The following CCDC125 variants were observed in gnomAD, a reference collection of about 807,000 sequenced individuals.
The protein encoded by CCDC125 is coiled-coil domain containing 125.
A neutral mutation model predicts 57.4 loss-of-function variants in CCDC125; 43 were observed. The observed-to-expected ratio is 0.75, with a 90% confidence interval of 0.59 to 0.97. The LOEUF is 0.97. CCDC125 is among the 50% of genes least tolerant of loss of function. The pLI is 0.00. For synonymous variants in CCDC125, 187 were observed against 195.2 expected, an observed-to-expected ratio of 0.96 and a Z score of 0.35; for missense variants, 563 against 595.7, an observed-to-expected ratio of 0.95 and a Z score of 0.57.
At chr5:69,300,923 G>T (rs1468084981) in intron 7 of CCDC125, among the ~76,000 whole-genome samples, 1 of 149,044 alleles carries the variant, frequency 6.7e-6, no homozygotes, top group African/African-American at 2.5e-5. Context: ...ACAGAGTCTT[G>T]CTCTGTCACT....
intron 4 of CCDC125, chr5:69,309,489 G>C (rs1046926909): frequency 6.6e-6 from 1 of 152,226 alleles, no homozygotes; most frequent in Non-Finnish European, 1.5e-5. Flanking sequence ...TGAGCCTGCA[G>C]GTGCACAGAA....
chr5:69,276,831 G>A, downstream of CCDC125: 1 of 793,038 alleles, frequency 1.3e-6, no homozygotes, highest in Non-Finnish European at 2.0e-6. Flanking sequence ...ATAAAGTAGA[G>A]AGACTGTGCC....
chr5:69,328,836 C>T (rs1421818396), intron 1 of CCDC125, among the ~76,000 whole-genome samples: 1 of 151,856 alleles, frequency 6.6e-6, no homozygotes, highest in Non-Finnish European at 1.5e-5. Context: ...CTTTGTCACC[C>T]AGGCTGGAGT....
At chr5:69,284,109 A>G (rs939115536) in intron 11 of CCDC125, among the ~76,000 whole-genome samples, 5 of 152,014 alleles carry the variant, frequency 3.3e-5, no homozygotes, top group African/African-American at 1.2e-4. Context: ...TTTTTTAAAA[A>G]TAATTTTTTA....
chr5:69,300,179 C>T (rs200737392), intron 7 of CCDC125, 52 bp from the exon 8 acceptor site: 3 of 1,265,048 alleles, frequency 2.4e-6, no homozygotes, highest in South Asian at 1.2e-5. Context: ...ACTCCACCCT[C>T]ATCCAATCTA....
intron 2 of CCDC125, among the ~76,000 whole-genome samples, chr5:69,319,669 G>A (rs781434375): frequency 3.2e-4 from 48 of 151,546 alleles, no homozygotes; most frequent in East Asian, 2.4e-3. Context: ...ATTTAGTAGA[G>A]ACAGGGTTTC....
rs548658035 is a variant in CCDC125 at position 69,286,357 on chromosome 5, G to C, written c.1100-890C>G. ...CGCCATTCTCCTGCCTCAGCCTCCCGAGTAGCTGGGACTACAGGCGCCCGC... is the reference window on the plus strand; with the variant it reads ...CGCCATTCTCCTGCCTCAGCCTCCCCAGTAGCTGGGACTACAGGCGCCCGC... On this transcript the variant is annotated intron_variant, in intron 10 of 11. Coordinates refer to ENST00000396496, the MANE Select transcript of CCDC125 (RefSeq NM_176816.5). 9.3e-5 allele frequency among the ~76,000 whole-genome samples: 14 copies of C among 149,938 alleles called. No homozygotes were observed. The East Asian group carries it at 1.8e-3, about 19-fold the overall frequency.
intron 10 of CCDC125, among the ~76,000 whole-genome samples, chr5:69,288,364 GGTTGA>G (rs1233862546): frequency 6.6e-6 from 1 of 152,178 alleles, no homozygotes; most frequent in East Asian, 1.9e-4. Context: ...AGGGGCTGAA[GGTTGA>G]GTTGATTACC....
chr5:69,283,395 A>AT (rs1376320797), intron 11 of CCDC125, among the ~76,000 whole-genome samples: 2 of 151,166 alleles, frequency 1.3e-5, no homozygotes, highest in Admixed American at 6.6e-5. Context: ...AATTTTTTGC[A>AT]TTTTTTAGTA....
intron 2 of CCDC125, among the ~76,000 whole-genome samples, chr5:69,318,580 T>C (rs1298308075): frequency 1.9e-5 from 2 of 105,438 alleles, no homozygotes; most frequent in Non-Finnish European, 4.0e-5. Context: ...CCATCTCTAC[T>C]AAAAATACAA....
Position 69,282,994 on chromosome 5 carries a change from ACTTTT to A in CCDC125, c.1266_1270del (p.Arg422SerfsTer2). ...CAATGCCCGAGCAAGCATGTAGCTA[ACTTTT>A]CTTTGATGAGCCAAAGCTTCTTCTT... On this transcript the variant is annotated frameshift_variant, in exon 12 of 12. Coordinates refer to ENST00000396496, the MANE Select transcript of CCDC125 (RefSeq NM_176816.5). LOFTEE classifies it low-confidence loss of function (END_TRUNC). 6.2e-7 allele frequency: 1 copy of A among 1,606,098 alleles called. No homozygotes were observed. Among genetic ancestry groups the A allele is most frequent in the Non-Finnish European group, 8.5e-7 (1 of 1,177,246 alleles).
intron 8 of CCDC125, among the ~76,000 whole-genome samples, chr5:69,297,394 TC>T (rs1755540575): frequency 6.6e-6 from 1 of 151,854 alleles, no homozygotes; most frequent in Non-Finnish European, 1.5e-5. Context: ...AGTTTTGCTC[TC>T]GTTGCCCAGG....
Position 69,307,996 on chromosome 5 carries a change from C to T in CCDC125, c.486G>A (p.Gln162=). 1 of 1,614,028 alleles carries T rather than the reference C, an allele frequency of 6.2e-7. No homozygotes were observed. Among genetic ancestry groups the T allele is most frequent in the Non-Finnish European group, 8.5e-7 (1 of 1,179,938 alleles). Residue 162 remains glutamine (Q), a synonymous_variant, in exon 5 of 12, where the codon CAG becomes CAA. Coordinates refer to ENST00000396496, the MANE Select transcript of CCDC125 (RefSeq NM_176816.5). ...AILGKATSHT[Q]AVLQKTMEQN... is the part of the protein sequence containing the mutation. The stretch of plus-strand genomic sequence containing the variant: ...GTTCCATAGTTTTTTGAAGCACTGC[C>T]TGCGTATGACTTGTGGCTTTGCCCA...
At chr5:69,299,179 G>T (rs28730315) in intron 8 of CCDC125, among the ~76,000 whole-genome samples, 148,641 of 151,246 alleles carry the variant, frequency 0.98, 73,045 homozygotes, top group East Asian at 1. Flanking sequence ...GCGCGATCTC[G>T]GCTCACTGCA....
chr5:69,310,969 T>C (rs965042290), intron 4 of CCDC125, 149 bp downstream of exon 4: 3 of 469,904 alleles, frequency 6.4e-6, no homozygotes, highest in Non-Finnish European at 1.1e-5. Flanking sequence ...AACTTCAGGA[T>C]ATATAAATTA....
intron 6 of CCDC125, among the ~76,000 whole-genome samples, chr5:69,304,423 T>C (rs1354052194): frequency 1.4e-4 from 4 of 28,598 alleles, no homozygotes; most frequent in Admixed American, 4.5e-4. Flanking sequence ...AAACATACCC[T>C]TTTTTTTTTT....
chr5:69,325,626 C>T lies in CCDC125; in HGVS notation c.-40-5046G>A, dbSNP rs572489428. 4.6e-5 allele frequency among the ~76,000 whole-genome samples: 7 copies of T among 150,572 alleles called. No individual in the cohort carries two copies. The East Asian group carries it at 1.4e-3, about 30-fold the overall frequency. On this transcript the variant is annotated intron_variant, in intron 1 of 11. Coordinates refer to ENST00000396496, the MANE Select transcript of CCDC125 (RefSeq NM_176816.5). Reference sequence around the variant, plus strand: ...GGATCACGAGGTCAAGAGTTTAGGACCAGCCTGGCCAACATGGTGAAACCT... The same window carrying T: ...GGATCACGAGGTCAAGAGTTTAGGATCAGCCTGGCCAACATGGTGAAACCT...
intron 1 of CCDC125, among the ~76,000 whole-genome samples, chr5:69,325,161 TAAAAAATAC>T (rs888976493): frequency 2.7e-5 from 4 of 150,916 alleles, no homozygotes; most frequent in Non-Finnish European, 5.9e-5. Context: ...CCATCTCTAC[TAAAAAATAC>T]AAAAAATTAG....
At chr5:69,301,848 G>A (rs1756504407) in intron 7 of CCDC125, among the ~76,000 whole-genome samples, 1 of 151,846 alleles carries the variant, frequency 6.6e-6, no homozygotes, top group South Asian at 2.1e-4. Flanking sequence ...AGTGAGCCAA[G>A]ATTGTGCCAC....
Sources: gnomAD v4.1 joint callset for allele counts (sites outside exome capture counted in the v4.1 genomes callset) on GRCh38, gnomAD v4.1.1 for gene constraint, MANE v1.5 for transcripts, NCBI Gene and HGNC (gene_info 2026-07-23, HGNC 2026-07-21) for gene names.